ADAMTSL1: variants seen among roughly 807,000 people sequenced by gnomAD.
ADAMTSL1 encodes ADAMTS-like protein 1.
ADAMTSL1 carries 126 observed loss-of-function variants against 201.8 expected under a neutral mutation model. The ratio of observed to expected loss-of-function variants is 0.62; its 90% CI spans 0.54 to 0.72. ADAMTSL1 has a LOEUF of 0.72. ADAMTSL1 is among the 30% of genes least tolerant of loss of function. The pLI is 0.00. For missense variants in ADAMTSL1, 2,679 were observed against 2,277.8 expected, an observed-to-expected ratio of 1.18 and a Z score of -3.59; for synonymous variants, 1,121 against 903.4, an observed-to-expected ratio of 1.24 and a Z score of -4.32.
chr9:18,523,125 T>A (rs914655725), intron 2 of ADAMTSL1, among the ~76,000 whole-genome samples: 15 of 152,196 alleles, frequency 9.9e-5, no homozygotes, highest in African/African-American at 3.4e-4. Context: ...TTTTTAATGA[T>A]CCCCATTCTA....
At chr9:18,868,084 C>A (rs998266786) in intron 23 of ADAMTSL1, among the ~76,000 whole-genome samples, 6 of 152,224 alleles carry the variant, frequency 3.9e-5, no homozygotes, top group Middle Eastern at 3.4e-3. Flanking sequence ...TTTCACAGAT[C>A]TTTTTCTATA....
intron 8 of ADAMTSL1, among the ~76,000 whole-genome samples, chr9:18,659,937 C>T (rs541149756): frequency 6.6e-6 from 1 of 151,658 alleles, no homozygotes; most frequent in Admixed American, 6.6e-5. Context: ...AAAATGAAAA[C>T]CATGCTTTGT....
intron 13 of ADAMTSL1, among the ~76,000 whole-genome samples, chr9:18,697,716 G>A (rs1205890101): frequency 1.3e-5 from 2 of 152,210 alleles, no homozygotes; most frequent in Non-Finnish European, 2.9e-5. Flanking sequence ...TTGAAAGTGA[G>A]ATGTGAAGGA....
At position 18,886,211 on chromosome 9, in the gene ADAMTSL1, T is replaced by TAC. The variant is rs33989297; in HGVS notation, c.4250-1612_4250-1611dup. ...ATATATATATATATATATATATATA[T>TAC]ACACACACATACATATACATACATA... On this transcript the variant is annotated intron_variant, in intron 23 of 28. Coordinates refer to ENST00000380548, the MANE Select transcript of ADAMTSL1 (RefSeq NM_001040272.6). Among the ~76,000 whole-genome samples the TAC allele has an allele frequency of 2.1e-3, 224 of 105,726 alleles. 1 individual carries two copies. The highest frequency in any genetic ancestry group is 3.6e-3 in the South Asian group (12 of 3,300). 69.4% of individuals were successfully genotyped at this position (105,726 alleles called of 152,430 possible).
At chr9:18,050,580 G>C (rs181107600) in intron 1 of ADAMTSL1, among the ~76,000 whole-genome samples, 14 of 152,212 alleles carry the variant, frequency 9.2e-5, no homozygotes, top group African/African-American at 3.1e-4. Flanking sequence ...GCTTGAAATG[G>C]CCTTTTTCTA....
intron 2 of ADAMTSL1, among the ~76,000 whole-genome samples, chr9:18,261,020 T>C (rs1392517267): frequency 2.1e-5 from 3 of 145,108 alleles, no homozygotes; most frequent in South Asian, 2.3e-4. Flanking sequence ...TTCTTTTTTT[T>C]TTTTTTTTGT....
chr9:18,410,686 A>T (rs1370480109), intron 2 of ADAMTSL1, among the ~76,000 whole-genome samples: 1 of 152,192 alleles, frequency 6.6e-6, no homozygotes. Flanking sequence ...GAACAAACAT[A>T]TACATGTATT....
chr9:18,055,682 T>TA (rs1822151114), intron 1 of ADAMTSL1, among the ~76,000 whole-genome samples: 1 of 152,226 alleles, frequency 6.6e-6, no homozygotes, highest in African/African-American at 2.4e-5. Flanking sequence ...CGCTGTGTCT[T>TA]AGAGTATGCC....
At chr9:18,240,627 ATCT>A (rs1169470676) in intron 2 of ADAMTSL1, among the ~76,000 whole-genome samples, 2 of 152,238 alleles carry the variant, frequency 1.3e-5, no homozygotes, top group African/African-American at 4.8e-5. Context: ...CCTAGATGGC[ATCT>A]TCTTTCAGTA....
chr9:17,988,261 C>G (rs775375334), intron 1 of ADAMTSL1, among the ~76,000 whole-genome samples: 1 of 151,996 alleles, frequency 6.6e-6, no homozygotes, highest in Non-Finnish European at 1.5e-5. Context: ...AATGTTCAAG[C>G]CTGTTAGAGG....
chr9:18,263,648 T>C (rs1346264046), intron 2 of ADAMTSL1, among the ~76,000 whole-genome samples: 2 of 152,150 alleles, frequency 1.3e-5, no homozygotes, highest in African/African-American at 2.4e-5. Flanking sequence ...GAAGTCCTAA[T>C]CCCCAGTGGG....
intron 1 of ADAMTSL1, among the ~76,000 whole-genome samples, chr9:17,967,087 A>T (rs1329911): frequency 2.6e-5 from 4 of 151,896 alleles, no homozygotes; most frequent in South Asian, 2.1e-4. Flanking sequence ...ATACTATTTC[A>T]GAACCTATAT....
At chr9:18,435,767 G>C (rs112429758) in intron 2 of ADAMTSL1, among the ~76,000 whole-genome samples, 12,637 of 152,204 alleles carry the variant, frequency 0.083, 707 homozygotes, top group Non-Finnish European at 0.13. Context: ...TTACGTGGAT[G>C]GTGGCAGGCA....
At chr9:18,882,912 A>T (rs1274030350) in intron 23 of ADAMTSL1, among the ~76,000 whole-genome samples, 1 of 151,342 alleles carries the variant, frequency 6.6e-6, no homozygotes, top group Non-Finnish European at 1.5e-5. Context: ...GGATCACTTG[A>T]GCCCAGGAGT....
intron 4 of ADAMTSL1, among the ~76,000 whole-genome samples, chr9:18,601,496 C>T (rs906869933): frequency 6.6e-6 from 1 of 152,144 alleles, no homozygotes; most frequent in African/African-American, 2.4e-5. Context: ...GAGAGTCTGG[C>T]CTAGTCTAAG....
intron 2 of ADAMTSL1, among the ~76,000 whole-genome samples, chr9:18,389,992 A>C (rs1297363301): frequency 6.6e-6 from 1 of 152,192 alleles, no homozygotes; most frequent in Non-Finnish European, 1.5e-5. Flanking sequence ...AAACAATAGA[A>C]TACAATATGT....
intron 26 of ADAMTSL1, among the ~76,000 whole-genome samples, chr9:18,903,884 C>T (rs1226675218): frequency 6.6e-6 from 1 of 152,004 alleles, no homozygotes; most frequent in African/African-American, 2.4e-5. Context: ...TGGACCTGCC[C>T]AGTTCAAACC....
At chr9:18,495,951 C>T (rs193274770) in intron 1 of ADAMTSL1, among the ~76,000 whole-genome samples, 10 of 152,254 alleles carry the variant, frequency 6.6e-5, no homozygotes, top group East Asian at 1.9e-4. Flanking sequence ...TAAAATAAAA[C>T]GTATTTCCAG....
intron 1 of ADAMTSL1, among the ~76,000 whole-genome samples, chr9:18,080,744 T>C (rs1190204223): frequency 6.6e-6 from 1 of 152,228 alleles, no homozygotes. Flanking sequence ...ACTAAGTGAT[T>C]TGCCTAAGTA....
Sources: allele counts gnomAD v4.1 joint callset (sites outside exome capture counted in the v4.1 genomes callset), GRCh38; gene constraint gnomAD v4.1.1; transcripts MANE v1.5; gene names NCBI Gene and HGNC (gene_info 2026-07-23, HGNC 2026-07-21).